Variants in STX4 observed in about 807,000 individuals in gnomAD.
The protein encoded by STX4 is syntaxin 4, also known as syntaxin-4.
Under a neutral mutation model 41.8 loss-of-function variants are expected in STX4, and 24 were observed. The observed-to-expected ratio is 0.57, with a 90% CI of 0.42 to 0.81. The LOEUF is 0.81. Among genes scored for constraint, STX4 ranks in the 30% least tolerant of loss-of-function variants. The probability of loss-of-function intolerance (pLI) is 0.00; values close to 1 mark genes in which losing one functional copy is unlikely to be tolerated. For missense variants in STX4, 316 were observed against 389.9 expected (o/e 0.81, Z 1.60); for synonymous variants, 158 against 156.4 (o/e 1.01, Z -0.08).
Position 31,039,294 on chromosome 16 carries a change from G to A in STX4, c.703-247G>A, listed in dbSNP as rs2056826266. The A allele has an allele frequency of 2.1e-6, 1 of 487,786 alleles. No homozygotes were observed. Among genetic ancestry groups the A allele is most frequent in the Non-Finnish European group, 3.7e-6 (1 of 268,916 alleles). The allele number at this position is 487,786 out of a possible 1,614,324, so 30.2% of individuals were successfully genotyped here. The stretch of plus-strand genomic sequence containing the variant: ...TCTGTGAAAGGTATGAGCCATTTGA[G>A]GCCCTTAGCTCCAAGCTACCACTGC... On this transcript the variant is annotated intron_variant, in intron 8 of 10. Transcript: ENST00000313843. This position sits in a 1 kb window ranked among gnomAD's most constrained non-coding sequence, Gnocchi z 4.1.
intron 4 of STX4, 38 bp from the exon 5 acceptor site, chr16:31,034,932 G>A (rs188125312): frequency 2.0e-6 from 3 of 1,496,904 alleles, no homozygotes; most frequent in African/African-American, 2.9e-5. Context: ...AAATCCTATG[G>A]AGACAAGTAC....
chr16:31,034,436 G>C (rs1191352470), intron 3 of STX4, 26 bp from the exon 4 acceptor site: 3 of 1,598,834 alleles, frequency 1.9e-6, no homozygotes, highest in Non-Finnish European at 2.6e-6. Context: ...GCTGCTGTTT[G>C]GGAGTCTTGG....
rs1318817214 is a variant in STX4, at chr16:31,034,491, G to A, written c.262G>A (p.Asp88Asn). Residue 88 changes from aspartate to asparagine, a missense_variant, in exon 4 of 11, where the codon GAT becomes AAT. By Grantham distance (23) the Asp-to-Asn change is conservative. Coordinates refer to ENST00000313843, the MANE Select transcript of STX4 (RefSeq NM_004604.5). ...SMKQELQNLRDEIKQLGREIR... is the reference protein window; with the variant it reads ...SMKQELQNLRNEIKQLGREIR... ...GAAGCAGGAGCTGCAGAACCTGCGC[G>A]ATGAGATCAAACAGCTGGGGAGGGA... is the stretch of plus-strand genomic sequence containing the variant. The A allele has an allele frequency of 6.2e-7, 1 of 1,604,952 alleles. No individual in the cohort carries two copies. The highest frequency in any genetic ancestry group is 1.3e-5 in the African/African-American group (1 of 74,920).
In STX4 at chr16:31,039,458, C is replaced by T; in HGVS notation, c.703-83C>T. On this transcript the variant is annotated intron_variant, in intron 8 of 10. Transcript: ENST00000313843. This position sits in a 1 kb window ranked among gnomAD's most constrained non-coding sequence, Gnocchi z 4.1. ...TCTTTGTTAGTGCAATTTTTTTTTC[C>T]TGCCAGGAATGTTCTTCAGTCATCT... 2.8e-6 allele frequency: 4 copies of T among 1,431,468 alleles called. No individual in the cohort carries two copies. Among genetic ancestry groups the T allele is most frequent in the Non-Finnish European group, 3.8e-6 (4 of 1,044,118 alleles). 88.7% of individuals were successfully genotyped at this position (1,431,468 alleles called of 1,614,324 possible). A position where few individuals can be genotyped will look rare whatever the true frequency, so the allele number is the denominator to read the frequency against.
chr16:31,038,732 G>T (rs2056822511), intron 8 of STX4, 85 bp downstream of exon 8: 1 of 1,539,504 alleles, frequency 6.5e-7, no homozygotes, highest in African/African-American at 1.4e-5. Context: ...CTCTCCCTGA[G>T]GCTTTTGTGT....
intron 5 of STX4, among the ~76,000 whole-genome samples, chr16:31,036,054 T>C (rs1435039486): frequency 1.1e-4 from 16 of 152,102 alleles, no homozygotes; most frequent in Non-Finnish European, 1.5e-5. Flanking sequence ...GCTATGATTA[T>C]AGGCATGAGC....
At chr16:31,038,225 C>T (rs1371605652) in intron 7 of STX4, 35 bp downstream of exon 7, 2 of 1,611,260 alleles carry the variant, frequency 1.2e-6, no homozygotes, top group South Asian at 2.2e-5. Context: ...TCTGCTGTGC[C>T]TCCCATCCCC....
In STX4 at chr16:31,038,630, A is replaced by G. The variant is rs2056821444; in HGVS notation, c.685A>G (p.Thr229Ala). The G allele has an allele frequency of 6.2e-7, 1 of 1,614,026 alleles. No homozygotes were observed. The highest frequency in any genetic ancestry group is 1.1e-5 in the South Asian group (1 of 91,072). The stretch of plus-strand genomic sequence containing the variant: ...GCACGACATATTCACTTTTCTGGCT[A>G]CCGAAGTGGAGATGCAGGTGGGTGC... ...ELHDIFTFLA[T>A]EVEMQGEMIN... Residue 229 changes from threonine (T) to alanine (A), a missense_variant, in exon 8 of 11, where the codon ACC becomes GCC. Thr to Ala is a moderately conservative substitution (Grantham distance 58, BLOSUM62 0). Transcript: ENST00000313843.
At position 31,034,992 on chromosome 16, in the gene STX4, A is replaced by G. The variant is rs769649961; in HGVS notation, c.330A>G (p.Glu110=). 5.0e-6 allele frequency: 8 copies of G among 1,611,478 alleles called. No homozygotes were observed. The highest frequency in any genetic ancestry group is 1.3e-5 in the African/African-American group (1 of 74,776). ...CAGCCATAGAGCCCCAGAAGGAGGA[A>G]GCTGATGAGAACTATAACTCCGTCA... ...QLKAIEPQKE[E]ADENYNSVNT... is the part of the protein sequence containing the mutation. Residue 110 remains glutamate (E), a synonymous_variant, in exon 5 of 11, where the codon GAA becomes GAG. Transcript: ENST00000313843.
At chr16:31,038,462 C>G in intron 7 of STX4, 48 bp from the exon 8 acceptor site, 1 of 1,605,964 alleles carries the variant, frequency 6.2e-7, no homozygotes, top group African/African-American at 1.3e-5. Flanking sequence ...TTCTGACCTG[C>G]TGTCGGTCTC....
rs1567391128 is a variant in STX4, at chr16:31,039,538, C to G, written c.703-3C>G. ...TCCCTGAACCACCCCATCCTCTGAG[C>G]AGGGGGAGATGATCAATCGGATTGA... On this transcript the variant is annotated splice_region_variant and splice_polypyrimidine_tract_variant and intron_variant, in intron 8 of 10. Transcript: ENST00000313843. The surrounding 1 kb of genome is among the most constrained non-coding windows in gnomAD (Gnocchi z 4.1). 3.1e-6 allele frequency: 5 copies of G among 1,613,714 alleles called. No individual in the cohort carries two copies. The highest frequency in any genetic ancestry group is 4.2e-6 in the Non-Finnish European group (5 of 1,179,840).
In STX4 at chr16:31,039,518, G is replaced by A. The variant is rs1456217889; in HGVS notation, c.703-23G>A. 3 of 1,611,018 alleles carry A rather than the reference G, an allele frequency of 1.9e-6. No homozygotes were observed. In the African/African-American group the frequency reaches 4.0e-5, roughly 22 times the overall value. On this transcript the variant is annotated intron_variant, in intron 8 of 10. Transcript: ENST00000313843. The surrounding 1 kb of genome is among the most constrained non-coding windows in gnomAD (Gnocchi z 4.1). ...TGGGCAAAGGCATCCTTACCTCCCT[G>A]AACCACCCCATCCTCTGAGCAGGGG...
upstream of STX4, chr16:31,033,471 A>G (rs1213137328): frequency 6.5e-7 from 1 of 1,550,104 alleles, no homozygotes; most frequent in Admixed American, 2.0e-5. This position sits in a 1 kb window ranked among gnomAD's most constrained non-coding sequence, Gnocchi z 5.5. Context: ...TCGGGGCGCA[A>G]CAACTTCCGA....
Position 31,039,935 on chromosome 16 carries a change from G to GGGCCT in STX4, c.*45_*49dup. On this transcript the variant is annotated 3_prime_UTR_variant, in exon 11 of 11. Transcript: ENST00000313843. The surrounding 1 kb of genome is among the most constrained non-coding windows in gnomAD (Gnocchi z 4.1). ...AGGCACTAGGAGCACCAGGAACCCA[G>GGGCCT]GGCCTGGCCTTCTCTCCCAGCAGCC... The GGGCCT allele has an allele frequency of 9.4e-7, 1 of 1,067,358 alleles. No homozygotes were observed. Among genetic ancestry groups the GGGCCT allele is most frequent in the South Asian group, 1.4e-5 (1 of 69,506 alleles). The allele number at this position is 1,067,358 out of a possible 1,614,324, so 66.1% of individuals were successfully genotyped here.
chr16:31,037,822 G>T (rs978421388), intron 5 of STX4, 104 bp from the exon 6 acceptor site: 20 of 1,130,230 alleles, frequency 1.8e-5, no homozygotes, highest in Non-Finnish European at 2.0e-5. Context: ...GGCAGATCCC[G>T]CATAAGAGCT....
intron 5 of STX4, among the ~76,000 whole-genome samples, chr16:31,037,068 T>A (rs2056805876): frequency 1.5e-5 from 2 of 136,760 alleles, no homozygotes; most frequent in Non-Finnish European, 3.2e-5. Context: ...CCCCCCCTTT[T>A]TTTTTTTTCC....
At chr16:31,034,744 T>C in intron 4 of STX4, 1 of 695,268 alleles carries the variant, frequency 1.4e-6, no homozygotes, top group Non-Finnish European at 2.3e-6. Flanking sequence ...AATGAAACCA[T>C]TTACTTACAC....
Position 31,033,671 on chromosome 16 carries a change from A to G in STX4, c.-135A>G. On this transcript the variant is annotated 5_prime_UTR_variant, in exon 1 of 11. Coordinates refer to ENST00000313843, the MANE Select transcript of STX4 (RefSeq NM_004604.5). This position sits in a 1 kb window ranked among gnomAD's most constrained non-coding sequence, Gnocchi z 5.5. ...TGACTGTGGGCGGTGCAAGGGACGG[A>G]GCCTCTGGCGGCTCGTGGGGGTGTT... 1 of 1,438,914 alleles carries G rather than the reference A, an allele frequency of 6.9e-7. No homozygotes were observed. Among genetic ancestry groups the G allele is most frequent in the Non-Finnish European group, 9.1e-7 (1 of 1,098,442 alleles). 89.1% of individuals were successfully genotyped at this position (1,438,914 alleles called of 1,614,324 possible). A position where few individuals can be genotyped will look rare whatever the true frequency, so the allele number is the denominator to read the frequency against.
At position 31,034,066 on chromosome 16, in the gene STX4, C is replaced by T. The variant is rs1402499220; in HGVS notation, c.84C>T (p.His28=). ...EDKERVALVV[H]PGTARLGSPD... The stretch of plus-strand genomic sequence containing the variant: ...AGGAGCGGGTCGCGCTGGTGGTGCA[C>T]CCGGGCACGGCACGGCTGGGGAGCC... The change falls in exon 2 of 11, where the codon CAC becomes CAT. Residue 28 remains histidine (H), a synonymous_variant. Coordinates refer to ENST00000313843, the MANE Select transcript of STX4 (RefSeq NM_004604.5). 1.9e-6 allele frequency: 3 copies of T among 1,610,178 alleles called. No individual in the cohort carries two copies. Among genetic ancestry groups the T allele is most frequent in the African/African-American group, 1.3e-5 (1 of 74,860 alleles).
Sources: allele counts gnomAD v4.1 joint callset (sites outside exome capture counted in the v4.1 genomes callset), GRCh38; gene constraint gnomAD v4.1.1; non-coding constraint Gnocchi (gnomAD v3.1); transcripts MANE v1.5; gene names NCBI Gene and HGNC (gene_info 2026-07-23, HGNC 2026-07-21).